SOX6: variants seen among roughly 807,000 people sequenced by gnomAD.
The protein encoded by SOX6 is SRY-box transcription factor 6, also known as transcription factor SOX-6.
In SOX6, 11 loss-of-function variants were observed where a neutral mutation model predicts 97.8. That is an observed-to-expected ratio of 0.11 (90% CI 0.07 to 0.19). The LOEUF is 0.19. Among genes scored for constraint, SOX6 ranks in the 10% least tolerant of loss-of-function variants. The pLI, the probability that SOX6 is intolerant of heterozygous loss-of-function variation, is 1.00. For synonymous variants in SOX6, 360 were observed against 371.4 expected (o/e 0.97, Z 0.35); for missense variants, 810 against 1,039.5 (o/e 0.78, Z 3.04).
At chr11:16,486,596 C>G (rs925226402) in intron 4 of SOX6, among the ~76,000 whole-genome samples, 3 of 152,110 alleles carry the variant, frequency 2.0e-5, no homozygotes, top group African/African-American at 7.2e-5. Context: ...TGCGGTGGCT[C>G]ACGCCTGTAA....
intron 4 of SOX6, among the ~76,000 whole-genome samples, chr11:16,195,262 T>C (rs991304165): frequency 6.6e-6 from 1 of 152,214 alleles, no homozygotes; most frequent in East Asian, 1.9e-4. Context: ...AGAAAGTAAT[T>C]TGACCAAGTC....
At chr11:16,068,689 C>T (rs1037758036) in intron 9 of SOX6, among the ~76,000 whole-genome samples, 2 of 152,142 alleles carry the variant, frequency 1.3e-5, no homozygotes, top group African/African-American at 4.8e-5. Context: ...TTCTATTGCA[C>T]CATTTTTTCC....
intron 4 of SOX6, among the ~76,000 whole-genome samples, chr11:16,189,265 G>A (rs1719893573): frequency 6.6e-6 from 1 of 152,180 alleles, no homozygotes; most frequent in South Asian, 2.1e-4. Context: ...TAGACGAAGA[G>A]TTGGAGCATG....
chr11:16,163,578 A>T (rs1850810459), intron 6 of SOX6, among the ~76,000 whole-genome samples: 1 of 152,154 alleles, frequency 6.6e-6, no homozygotes, highest in African/African-American at 2.4e-5. Flanking sequence ...AAGAAAACAA[A>T]CTCTTCCCAC....
intron 3 of SOX6, among the ~76,000 whole-genome samples, chr11:16,298,876 T>C (rs1313950648): frequency 2.6e-5 from 4 of 152,012 alleles, no homozygotes; most frequent in Non-Finnish European, 4.4e-5. Context: ...AGTTTTAATA[T>C]AGAAGAATAA....
Position 16,605,426 on chromosome 11 carries a change from T to G in SOX6, n.609+6655A>C, listed in dbSNP as rs1848323637. 6.6e-6 allele frequency among the ~76,000 whole-genome samples: 1 copy of G among 152,024 alleles called. No homozygotes were observed. The highest frequency in any genetic ancestry group is 2.1e-4 in the South Asian group (1 of 4,828). Reference sequence around the variant, plus strand: ...GATTTCGGATGGGCTTGGAATTCGGTTTGTTTATTCCTGAAAAGATCATTA... The same window carrying G: ...GATTTCGGATGGGCTTGGAATTCGGGTTGTTTATTCCTGAAAAGATCATTA... On this transcript the variant is annotated intron_variant and non_coding_transcript_variant, in intron 4 of 5. Transcript: ENST00000524520. The surrounding 1 kb of genome is among the most constrained non-coding windows in gnomAD (Gnocchi z 5.3).
At chr11:16,591,577 T>C (rs1040816173) in intron 4 of SOX6, among the ~76,000 whole-genome samples, 4 of 152,158 alleles carry the variant, frequency 2.6e-5, no homozygotes, top group Admixed American at 2.6e-4. Context: ...AAAAATTCTA[T>C]GCTATCACTT....
At chr11:16,396,197 G>A (rs1858348688) in intron 1 of SOX6, among the ~76,000 whole-genome samples, 1 of 151,670 alleles carries the variant, frequency 6.6e-6, no homozygotes, top group Admixed American at 6.6e-5. Context: ...GAGTTAATAT[G>A]AGGATTAAAT....
At chr11:16,345,076 T>A (rs186064297) in intron 1 of SOX6, among the ~76,000 whole-genome samples, 2 of 152,124 alleles carry the variant, frequency 1.3e-5, no homozygotes, top group Admixed American at 6.6e-5. Flanking sequence ...TCTACAGTGG[T>A]ACAATCTTAA....
chr11:16,440,947 T>C (rs985104850), intron 1 of SOX6, among the ~76,000 whole-genome samples: 37 of 152,172 alleles, frequency 2.4e-4, no homozygotes, highest in Admixed American at 3.9e-4. Flanking sequence ...AATGACTTTT[T>C]CATACTGCCT....
rs1300865572 is a variant in SOX6 at position 16,371,397 on chromosome 11, T to A, written c.-4-30145A>T. On this transcript the variant is annotated intron_variant, in intron 1 of 15. Coordinates refer to the SOX6 transcript ENST00000396356. Reference sequence around the variant, plus strand: ...ATACCTCCACCCTGGGTGCTCCCTATCCCCCTTTTTTGTTTTATTTTCTCC... The same window carrying A: ...ATACCTCCACCCTGGGTGCTCCCTAACCCCCTTTTTTGTTTTATTTTCTCC... Among the ~76,000 whole-genome samples the A allele has an allele frequency of 5.9e-5, 9 of 151,990 alleles. No individual in the cohort carries two copies. The East Asian group carries it at 1.7e-3, about 29-fold the overall frequency.
At position 16,636,054 on chromosome 11, in the gene SOX6, A is replaced by G. The variant is rs141778852; in HGVS notation, n.430-23794T>C. Among the ~76,000 whole-genome samples, 621 of 152,328 alleles carry G rather than the reference A, an allele frequency of 4.1e-3. 3 individuals are homozygous for G. The highest frequency in any genetic ancestry group is 0.014 in the African/African-American group (579 of 41,584). On this transcript the variant is annotated intron_variant and non_coding_transcript_variant, in intron 3 of 5. Coordinates refer to the SOX6 transcript ENST00000524520. ...TCAGAGCCCCCACACAGAGTCCCCA[A>G]TGGGGCACTGCCTAGTGGTGCTGTG...
intron 6 of SOX6, among the ~76,000 whole-genome samples, chr11:16,176,340 G>A (rs1851185404): frequency 6.6e-6 from 1 of 151,848 alleles, no homozygotes; most frequent in East Asian, 1.9e-4. Context: ...GATTCCAAGT[G>A]ATTACAAGGG....
At chr11:16,043,055 C>A (rs1284344416) in intron 12 of SOX6, among the ~76,000 whole-genome samples, 1 of 152,166 alleles carries the variant, frequency 6.6e-6, no homozygotes, top group Admixed American at 6.6e-5. Flanking sequence ...AAAAGGCCCA[C>A]CCTGCCTTGC....
chr11:16,281,221 T>C (rs1242885551), intron 3 of SOX6, among the ~76,000 whole-genome samples: 1 of 152,080 alleles, frequency 6.6e-6, no homozygotes. Flanking sequence ...TGTCAAATGT[T>C]CAGAAGTCAT....
chr11:16,146,186 G>A (rs1306797845), intron 6 of SOX6, among the ~76,000 whole-genome samples: 2 of 152,122 alleles, frequency 1.3e-5, no homozygotes, highest in Non-Finnish European at 2.9e-5. Flanking sequence ...AGAGCCCTCA[G>A]AAATAATACC....
intron 1 of SOX6, among the ~76,000 whole-genome samples, chr11:16,445,515 C>T (rs1005155634): frequency 2.0e-5 from 3 of 152,128 alleles, no homozygotes; most frequent in African/African-American, 4.8e-5. Context: ...TATTGGGAAA[C>T]ATCTCAATAT....
chr11:16,128,415 G>C (rs1032589590), intron 6 of SOX6, among the ~76,000 whole-genome samples: 2 of 152,092 alleles, frequency 1.3e-5, no homozygotes, highest in Non-Finnish European at 2.9e-5. Context: ...AACTGCAATA[G>C]TTTTAGAAAG....
chr11:16,478,831 C>T (rs1285093241), upstream of SOX6, among the ~76,000 whole-genome samples: 1 of 152,158 alleles, frequency 6.6e-6, no homozygotes, highest in Non-Finnish European at 1.5e-5. Context: ...AAAGCAGTCA[C>T]TATGGTCCTG....
Sources: allele counts gnomAD v4.1 joint callset (sites outside exome capture counted in the v4.1 genomes callset), GRCh38; gene constraint gnomAD v4.1.1; non-coding constraint Gnocchi (gnomAD v3.1); transcripts MANE v1.5; gene names NCBI Gene and HGNC (gene_info 2026-07-23, HGNC 2026-07-21).